Variants in GNG7 observed in about 807,000 individuals in gnomAD.
The protein encoded by GNG7 is guanine nucleotide-binding protein G(I)/G(S)/G(O) subunit gamma-7.
GNG7 carries 1 observed loss-of-function variant against 4.0 expected under a neutral mutation model. The ratio of observed to expected loss-of-function variants is 0.25; its 90% CI spans 0.09 to 1.18. The LOEUF (loss-of-function observed/expected upper bound fraction) is 1.18. Among genes scored for constraint, GNG7 ranks in the 50% most tolerant of loss-of-function variants. The pLI, the probability that GNG7 is intolerant of heterozygous loss-of-function variation, is 0.50. For missense variants in GNG7, 86 were observed against 91.9 expected (o/e 0.94, Z 0.26); for synonymous variants, 34 against 36.9 (o/e 0.92, Z 0.29).
At chr19:2,612,706 A>ATTTTTTTTTTTTTTTTTTT (rs1568262802) in intron 2 of GNG7, among the ~76,000 whole-genome samples, 4 of 118,424 alleles carry the variant, frequency 3.4e-5, no homozygotes, top group African/African-American at 1.9e-4. Flanking sequence ...TTTTTTGAGA[A>ATTTTTTTTTTTTTTTTTTT]ATTTTTTTTT....
At chr19:2,549,916 G>A (rs1400899380) in intron 3 of GNG7, among the ~76,000 whole-genome samples, 1 of 152,252 alleles carries the variant, frequency 6.6e-6, no homozygotes, top group African/African-American at 2.4e-5. Context: ...ATGAAATGGA[G>A]TGTGTGGTTT....
At chr19:2,651,831 G>A (rs1384950559) in intron 1 of GNG7, among the ~76,000 whole-genome samples, 1 of 151,588 alleles carries the variant, frequency 6.6e-6, no homozygotes, top group Non-Finnish European at 1.5e-5. Flanking sequence ...CTCCCAAAGT[G>A]CTGGGATGAC....
Position 2,634,782 on chromosome 19 carries a change from G to A in GNG7, c.-78+11442C>T, listed in dbSNP as rs374953760. The stretch of plus-strand genomic sequence containing the variant: ...CTGAAATCTGGTGACCGACCAGGGG[G>A]AAATAAACCCGCTCTGACTGGCCGC... On this transcript the variant is annotated intron_variant, in intron 2 of 4. Coordinates refer to ENST00000382159, the MANE Select transcript of GNG7 (RefSeq NM_052847.3). The surrounding 1 kb of genome is among the most constrained non-coding windows in gnomAD (Gnocchi z 5.3). Among the ~76,000 whole-genome samples, 14 of 151,960 alleles carry A rather than the reference G, an allele frequency of 9.2e-5. No homozygotes were observed. The highest frequency in any genetic ancestry group is 3.4e-4 in the African/African-American group (14 of 41,342).
At chr19:2,551,549 A>G (rs1979319432) in intron 3 of GNG7, among the ~76,000 whole-genome samples, 1 of 78,874 alleles carries the variant, frequency 1.3e-5, no homozygotes. Context: ...ATATGTATTT[A>G]TTAATATATA....
chr19:2,579,263 C>G (rs1980431934), intron 2 of GNG7, among the ~76,000 whole-genome samples: 2 of 152,248 alleles, frequency 1.3e-5, no homozygotes, highest in African/African-American at 4.8e-5. Flanking sequence ...TTCACTGCCC[C>G]AGCGTAACCC....
At position 2,512,298 on chromosome 19, in the gene GNG7, G is replaced by A. The variant is rs1336803282; in HGVS notation, c.*2724C>T. ...CATGTGGCGGTCGGTGTGTGCACTC[G>A]GGTGCCACGTCTGCAAAGGTATTTT... On this transcript the variant is annotated 3_prime_UTR_variant, in exon 5 of 5. Coordinates refer to ENST00000382159, the MANE Select transcript of GNG7 (RefSeq NM_052847.3). This position sits in a 1 kb window ranked among gnomAD's most constrained non-coding sequence, Gnocchi z 4.7. 7.1e-6 allele frequency: 7 copies of A among 985,802 alleles called. No individual in the cohort carries two copies. In the South Asian group the frequency reaches 2.3e-4, roughly 33 times the overall value. 61.1% of individuals were successfully genotyped at this position (985,802 alleles called of 1,614,324 possible). A position where few individuals can be genotyped will look rare whatever the true frequency, so the allele number is the denominator to read the frequency against.
chr19:2,679,686 A>C (rs57565666), intron 1 of GNG7, among the ~76,000 whole-genome samples: 2,038 of 152,236 alleles, frequency 0.013, 51 homozygotes, highest in African/African-American at 0.047. Context: ...ATGATTCGCC[A>C]CCTTTCACTT....
intron 2 of GNG7, among the ~76,000 whole-genome samples, chr19:2,639,813 A>G (rs1217727012): frequency 3.4e-4 from 1 of 2,954 alleles, no homozygotes; most frequent in Non-Finnish European, 5.9e-4. Context: ...AGGGAAGGAG[A>G]GGGTAAGGGA....
At chr19:2,539,815 C>T (rs12977855) in intron 3 of GNG7, among the ~76,000 whole-genome samples, 46,908 of 150,988 alleles carry the variant, frequency 0.31, 7,583 homozygotes, top group East Asian at 0.6. Flanking sequence ...TAAATACACA[C>T]CATCGCAGGA....
intron 4 of GNG7, among the ~76,000 whole-genome samples, chr19:2,517,883 C>T (rs911625419): frequency 2.0e-5 from 3 of 152,300 alleles, no homozygotes; most frequent in East Asian, 1.9e-4. Flanking sequence ...GCCCTTCAAA[C>T]GGCCAGGAGC....
chr19:2,666,027 A>T (rs1036989095), intron 1 of GNG7, among the ~76,000 whole-genome samples: 1 of 150,960 alleles, frequency 6.6e-6, no homozygotes, highest in African/African-American at 2.4e-5. Context: ...CACCACGCCC[A>T]GCTAATTTTT....
chr19:2,546,393 T>C lies in GNG7; in HGVS notation c.-38+8756A>G, dbSNP rs1159535860. Among the ~76,000 whole-genome samples, 3 of 152,164 alleles carry C rather than the reference T, an allele frequency of 2.0e-5. No homozygotes were observed. The highest frequency in any genetic ancestry group is 4.8e-5 in the African/African-American group (2 of 41,438). The stretch of plus-strand genomic sequence containing the variant: ...CTTCCGTGCCAGCTCTGACCGTTGG[T>C]GGCTCTGTGACCTCAAGGCAGGGCC... On this transcript the variant is annotated intron_variant, in intron 3 of 4. Transcript: ENST00000382159. The surrounding 1 kb of genome is among the most constrained non-coding windows in gnomAD (Gnocchi z 6.3).
At chr19:2,643,388 C>T in intron 2 of GNG7, 1 of 411,474 alleles carries the variant, frequency 2.4e-6, no homozygotes, top group Non-Finnish European at 4.7e-6. Context: ...CCGGGCTCTG[C>T]ACACCTTCCG....
At chr19:2,696,356 A>AAAG (rs1568287972) in intron 1 of GNG7, among the ~76,000 whole-genome samples, 50 of 146,792 alleles carry the variant, frequency 3.4e-4, no homozygotes, top group African/African-American at 1.2e-3. Flanking sequence ...GAAAAGAAAG[A>AAAG]AAAGAAAGAA....
chr19:2,537,894 G>A (rs766081437), intron 3 of GNG7, among the ~76,000 whole-genome samples: 1 of 151,924 alleles, frequency 6.6e-6, no homozygotes, highest in African/African-American at 2.4e-5. Flanking sequence ...TGGCCAACAC[G>A]GTGAAACCCC....
At chr19:2,570,168 C>T (rs1487000170) in intron 2 of GNG7, among the ~76,000 whole-genome samples, 3 of 152,092 alleles carry the variant, frequency 2.0e-5, no homozygotes, top group African/African-American at 7.2e-5. Context: ...CCTCCTTTCT[C>T]TCGCTCCCTC....
chr19:2,628,794 C>G (rs567203622), intron 2 of GNG7, among the ~76,000 whole-genome samples: 12 of 152,272 alleles, frequency 7.9e-5, no homozygotes, highest in African/African-American at 2.9e-4. Flanking sequence ...GTCAGGCCCA[C>G]CCAGGATGTC....
At chr19:2,568,409 T>C (rs62646521) in intron 2 of GNG7, among the ~76,000 whole-genome samples, 112 of 90,940 alleles carry the variant, frequency 1.2e-3, no homozygotes, top group Admixed American at 1.2e-3. Context: ...CACACACATA[T>C]ACACATAGAC....
At chr19:2,538,530 C>T in intron 3 of GNG7, 1 of 347,536 alleles carries the variant, frequency 2.9e-6, no homozygotes. Flanking sequence ...ACCCGGGAGG[C>T]TGAGGCAGGA....
Sources: allele counts gnomAD v4.1 joint callset (sites outside exome capture counted in the v4.1 genomes callset), GRCh38; gene constraint gnomAD v4.1.1; non-coding constraint Gnocchi (gnomAD v3.1); transcripts MANE v1.5; gene names NCBI Gene and HGNC (gene_info 2026-07-23, HGNC 2026-07-21).